The following FOXP2 variants were observed in gnomAD, a reference collection of about 807,000 sequenced individuals.
The protein encoded by FOXP2 is forkhead box protein P2.
FOXP2 carries 12 observed loss-of-function variants against 115.8 expected under a neutral mutation model. That is an observed-to-expected ratio of 0.10 (90% CI 0.07 to 0.17). FOXP2 has a LOEUF of 0.17. Ranked by LOEUF, FOXP2 falls within the 10% of genes least tolerant of loss-of-function variation. FOXP2 has a pLI of 1.00. For synonymous variants in FOXP2, 328 were observed against 297.7 expected, an observed-to-expected ratio of 1.10 and a Z score of -1.05; for missense variants, 629 against 843.5, an observed-to-expected ratio of 0.75 and a Z score of 3.15.
At chr7:114,168,943 C>T (rs1793058768) in intron 1 of FOXP2, among the ~76,000 whole-genome samples, 1 of 152,226 alleles carries the variant, frequency 6.6e-6, no homozygotes, top group Admixed American at 6.5e-5. Flanking sequence ...AAGCCTCAAG[C>T]TTTGGCAGCT....
chr7:114,502,675 T>G (rs1385229443), intron 2 of FOXP2, among the ~76,000 whole-genome samples: 1 of 152,044 alleles, frequency 6.6e-6, no homozygotes, highest in Non-Finnish European at 1.5e-5. Flanking sequence ...TTTCTTTTTC[T>G]TACTCAAAAA....
At chr7:114,523,491 C>A (rs1798719562) in intron 2 of FOXP2, among the ~76,000 whole-genome samples, 1 of 152,146 alleles carries the variant, frequency 6.6e-6, no homozygotes, top group South Asian at 2.1e-4. Flanking sequence ...TCTGCGGTAG[C>A]ATTTCCTTGC....
At chr7:114,249,677 G>T (rs571152020) in intron 1 of FOXP2, among the ~76,000 whole-genome samples, 5 of 152,070 alleles carry the variant, frequency 3.3e-5, no homozygotes, top group Non-Finnish European at 7.3e-5. Flanking sequence ...GTTAACATAT[G>T]TGTGCATGTA....
At chr7:114,588,374 C>T (rs1172744582) in intron 3 of FOXP2, among the ~76,000 whole-genome samples, 1 of 151,866 alleles carries the variant, frequency 6.6e-6, no homozygotes, top group Non-Finnish European at 1.5e-5. Context: ...CCAAATAATG[C>T]CTGCATGTTT....
At chr7:114,543,305 A>G (rs1242923529) in intron 3 of FOXP2, among the ~76,000 whole-genome samples, 2 of 152,268 alleles carry the variant, frequency 1.3e-5, no homozygotes, top group East Asian at 3.9e-4. Flanking sequence ...AGAACTAATT[A>G]TAGTAGAATT....
chr7:114,447,351 C>T lies in FOXP2; in HGVS notation c.168+20672C>T, dbSNP rs1031564918. On this transcript the variant is annotated intron_variant, in intron 2 of 16. Transcript: ENST00000350908. ...TCATGTCCCTATTTTTCTGGGTAAGCACCCAGAAGATACTTCGCACCCTTC... is the reference window on the plus strand; with the variant it reads ...TCATGTCCCTATTTTTCTGGGTAAGTACCCAGAAGATACTTCGCACCCTTC... Among the ~76,000 whole-genome samples, 9 of 152,080 alleles carry T rather than the reference C, an allele frequency of 5.9e-5. No homozygotes were observed. In the East Asian group the frequency reaches 1.7e-3, roughly 30 times the overall value.
upstream of FOXP2, among the ~76,000 whole-genome samples, chr7:114,160,129 G>A (rs949188371): frequency 1.2e-4 from 18 of 152,116 alleles, no homozygotes; most frequent in Non-Finnish European, 2.6e-4. Context: ...GGCACAGAAA[G>A]GTGAGGGAAA....
chr7:114,618,386 T>G (rs1804062036), intron 3 of FOXP2, among the ~76,000 whole-genome samples: 1 of 152,174 alleles, frequency 6.6e-6, no homozygotes, highest in Non-Finnish European at 1.5e-5. Context: ...GAATGGAGAC[T>G]AAGACACAAA....
chr7:114,530,842 CAGTA>C (rs1340239836), intron 2 of FOXP2, among the ~76,000 whole-genome samples: 15 of 151,744 alleles, frequency 9.9e-5, no homozygotes, highest in Admixed American at 9.9e-4. Context: ...ATGATGTTTT[CAGTA>C]AGTATTTTAG....
chr7:114,652,652 C>T (rs1157396168), intron 9 of FOXP2, among the ~76,000 whole-genome samples: 1 of 151,952 alleles, frequency 6.6e-6, no homozygotes, highest in Non-Finnish European at 1.5e-5. Flanking sequence ...GATTTTTTTC[C>T]ATGAGATTTT....
rs73429393 is a variant in FOXP2 at position 114,574,622 on chromosome 7, A to C, written c.258+39916A>C. On this transcript the variant is annotated intron_variant, in intron 3 of 16. Transcript: ENST00000350908. ...TCTAACTATACCCTGTTGGCACCTC[A>C]TCTGCCTGAATGACCTCATTAACAC... Among the ~76,000 whole-genome samples the C allele has an allele frequency of 6.9e-3, 1,055 of 151,932 alleles. 9 individuals carry two copies. Among genetic ancestry groups the C allele is most frequent in the African/African-American group, 0.024 (1,008 of 41,516 alleles).
At chr7:114,271,682 T>C (rs1422181354) in intron 1 of FOXP2, among the ~76,000 whole-genome samples, 22 of 117,396 alleles carry the variant, frequency 1.9e-4, no homozygotes, top group East Asian at 1.3e-3. Context: ...TTTAAAATTA[T>C]ATTTAATAAT....
At chr7:114,303,752 T>C (rs534648767) in intron 2 of FOXP2, among the ~76,000 whole-genome samples, 17 of 152,264 alleles carry the variant, frequency 1.1e-4, no homozygotes, top group African/African-American at 3.9e-4. Context: ...CTTTACAGTT[T>C]AGTTATTGGT....
chr7:114,122,923 AT>A (rs113102652), intron 1 of FOXP2, among the ~76,000 whole-genome samples: 1 of 151,762 alleles, frequency 6.6e-6, no homozygotes, highest in Admixed American at 6.6e-5. Context: ...AACTTTATAC[AT>A]TTTTTTCACA....
intron 1 of FOXP2, among the ~76,000 whole-genome samples, chr7:114,169,014 G>A (rs559154803): frequency 2.6e-5 from 4 of 152,336 alleles, no homozygotes; most frequent in South Asian, 2.1e-4. Context: ...GGGAACCTCC[G>A]CCTAGATGTC....
intron 3 of FOXP2, among the ~76,000 whole-genome samples, chr7:114,568,325 T>A (rs1801121905): frequency 6.6e-6 from 1 of 151,808 alleles, no homozygotes. Flanking sequence ...ATAAGATATA[T>A]CATAGATTTT....
intron 2 of FOXP2, among the ~76,000 whole-genome samples, chr7:114,390,525 T>TG (rs1205153931): frequency 2.0e-5 from 3 of 150,980 alleles, no homozygotes; most frequent in African/African-American, 7.3e-5. Flanking sequence ...TATTTATGTA[T>TG]TTATTTATTT....
rs1188375408 is a variant in FOXP2 at position 114,426,682 on chromosome 7, A to G, written c.168+3A>G. Reference sequence around the variant, plus strand: ...TGCTGCATCTGCAACAACAGCAGGTAAGTTTTGTTTTCCTCAGTGCTTCCT... The same window carrying G: ...TGCTGCATCTGCAACAACAGCAGGTGAGTTTTGTTTTCCTCAGTGCTTCCT... On this transcript the variant is annotated splice_donor_region_variant and intron_variant, in intron 2 of 16. Coordinates refer to ENST00000350908, the MANE Select transcript of FOXP2 (RefSeq NM_014491.4). The G allele has an allele frequency of 3.4e-5, 55 of 1,610,550 alleles. No homozygotes were observed. The Admixed American group carries it at 9.2e-4, about 27-fold the overall frequency.
At chr7:114,460,071 G>T (rs1338907244) in intron 2 of FOXP2, among the ~76,000 whole-genome samples, 1 of 151,860 alleles carries the variant, frequency 6.6e-6, no homozygotes, top group Non-Finnish European at 1.5e-5. Flanking sequence ...GTTTTGTTTT[G>T]GTTTGGTTTT....
Sources: gnomAD v4.1 joint callset for allele counts (sites outside exome capture counted in the v4.1 genomes callset) on GRCh38, gnomAD v4.1.1 for gene constraint, MANE v1.5 for transcripts, NCBI Gene and HGNC (gene_info 2026-07-23, HGNC 2026-07-21) for gene names.